Variants in PTPN9 observed in about 807,000 individuals in gnomAD.
PTPN9 encodes tyrosine-protein phosphatase non-receptor type 9.
PTPN9 carries 26 observed loss-of-function variants against 69.8 expected under a neutral mutation model. The ratio of observed to expected loss-of-function variants is 0.37; its 90% CI spans 0.27 to 0.52. PTPN9 has a LOEUF of 0.52. Among genes scored for constraint, PTPN9 ranks in the 20% least tolerant of loss-of-function variants. The pLI, the probability that PTPN9 is intolerant of heterozygous loss-of-function variation, is 0.91. For synonymous variants in PTPN9, 274 were observed against 272.5 expected (o/e 1.01, Z -0.05); for missense variants, 549 against 740.3 (o/e 0.74, Z 3.00).
chr15:75,562,338 C>A (rs1027059436), intron 1 of PTPN9, among the ~76,000 whole-genome samples: 1 of 152,178 alleles, frequency 6.6e-6, no homozygotes, highest in Admixed American at 6.6e-5. Context: ...CACACCTCTA[C>A]AGGGAAACTT....
intron 3 of PTPN9, among the ~76,000 whole-genome samples, chr15:75,523,583 G>C (rs2074914440): frequency 6.6e-6 from 1 of 152,132 alleles, no homozygotes; most frequent in Non-Finnish European, 1.5e-5. Flanking sequence ...AGAGAACCAG[G>C]GAACAGGACC....
intron 1 of PTPN9, among the ~76,000 whole-genome samples, chr15:75,539,945 G>A (rs1167412297): frequency 1.3e-5 from 2 of 152,188 alleles, no homozygotes; most frequent in Non-Finnish European, 2.9e-5. Context: ...CTCCCAAAGT[G>A]CTGCGATTAT....
chr15:75,524,869 G>A (rs546873830), intron 2 of PTPN9, among the ~76,000 whole-genome samples: 2 of 149,052 alleles, frequency 1.3e-5, no homozygotes, highest in African/African-American at 2.5e-5. Flanking sequence ...CTGCCTCCAA[G>A]CCAGTCAAGC....
chr15:75,543,117 G>C (rs891386204), intron 1 of PTPN9, among the ~76,000 whole-genome samples: 2 of 149,154 alleles, frequency 1.3e-5, no homozygotes, highest in African/African-American at 5.0e-5. Context: ...TTTTGTCCTT[G>C]CAATACTTTG....
chr15:75,563,734 C>G (rs1001571384), intron 1 of PTPN9, among the ~76,000 whole-genome samples: 1 of 152,146 alleles, frequency 6.6e-6, no homozygotes, highest in African/African-American at 2.4e-5. Flanking sequence ...GTCCTCATTG[C>G]ACGTAACAAG....
chr15:75,504,162 T>C (rs2074797725), intron 7 of PTPN9, among the ~76,000 whole-genome samples: 3 of 101,894 alleles, frequency 2.9e-5, no homozygotes, highest in African/African-American at 1.2e-4. Context: ...AGCCGCCCCG[T>C]CCGGGAGGGA....
intron 5 of PTPN9, among the ~76,000 whole-genome samples, chr15:75,515,426 CAAAAAAAAAAA>C (rs34643551): frequency 4.3e-5 from 3 of 69,420 alleles, no homozygotes; most frequent in Non-Finnish European, 8.7e-5. Context: ...GACTCCGTCT[CAAAAAAAAAAA>C]AAAAAAAAAG....
intron 5 of PTPN9, among the ~76,000 whole-genome samples, chr15:75,514,195 TCAGGA>T (rs2074857935): frequency 6.6e-6 from 1 of 150,882 alleles, no homozygotes. Context: ...TTTGGATTTC[TCAGGA>T]ATGATTTCTT....
chr15:75,476,657 A>G (rs976461256), intron 9 of PTPN9, among the ~76,000 whole-genome samples: 7 of 152,164 alleles, frequency 4.6e-5, no homozygotes, highest in African/African-American at 1.7e-4. Context: ...GTATGCATAG[A>G]TAAAGGTCTA....
chr15:75,529,953 T>C (rs2074947258), intron 1 of PTPN9, among the ~76,000 whole-genome samples: 1 of 146,022 alleles, frequency 6.8e-6, no homozygotes, highest in Admixed American at 7.0e-5. Flanking sequence ...ATGCCTGTAA[T>C]CCCAGCACTT....
intron 9 of PTPN9, among the ~76,000 whole-genome samples, chr15:75,475,668 GC>G (rs1302288775): frequency 1.3e-5 from 2 of 152,030 alleles, no homozygotes; most frequent in Non-Finnish European, 2.9e-5. Flanking sequence ...GGAAAGCAGG[GC>G]AGTACTAATG....
At chr15:75,543,587 A>G (rs1240389345) in intron 1 of PTPN9, among the ~76,000 whole-genome samples, 2 of 152,172 alleles carry the variant, frequency 1.3e-5, no homozygotes, top group African/African-American at 4.8e-5. Context: ...GCACAAAATT[A>G]CTCTGGAAGA....
chr15:75,498,545 A>C (rs2074756270), intron 7 of PTPN9, among the ~76,000 whole-genome samples: 1 of 151,800 alleles, frequency 6.6e-6, no homozygotes, highest in Admixed American at 6.6e-5. Context: ...TGAAACCCTG[A>C]CTGTAGTAAA....
chr15:75,554,008 T>TC (rs1213709742), intron 1 of PTPN9, among the ~76,000 whole-genome samples: 1 of 69,756 alleles, frequency 1.4e-5, no homozygotes, highest in Admixed American at 1.2e-4. Context: ...TTTCTTTCTT[T>TC]TTTTTTTTTT....
At position 75,520,345 on chromosome 15, in the gene PTPN9, GATCC is replaced by G. The variant is rs1380007327; in HGVS notation, c.422+2772_422+2775del. Among the ~76,000 whole-genome samples, 10 of 152,068 alleles carry G rather than the reference GATCC, an allele frequency of 6.6e-5. No individual in the cohort carries two copies. The East Asian group carries it at 1.9e-3, about 29-fold the overall frequency. ...AAAGAAGCTTGGATGCATAATGAAT[GATCC>G]AGGTTCTATATTCCCAGATCAAAGT... On this transcript the variant is annotated intron_variant, in intron 4 of 12. Transcript: ENST00000618819.
intron 8 of PTPN9, among the ~76,000 whole-genome samples, chr15:75,484,707 A>C (rs1354049475): frequency 6.6e-6 from 1 of 152,210 alleles, no homozygotes; most frequent in Admixed American, 6.5e-5. Flanking sequence ...TTACAGAAGG[A>C]CAAAAGAAAA....
intron 4 of PTPN9, among the ~76,000 whole-genome samples, chr15:75,521,381 G>A (rs1434212299): frequency 6.6e-6 from 1 of 151,814 alleles, no homozygotes; most frequent in Admixed American, 6.6e-5. Flanking sequence ...GAACCCGGGA[G>A]TCGGAGCTTG....
chr15:75,488,690 A>T (rs552712515), intron 8 of PTPN9, among the ~76,000 whole-genome samples: 21 of 152,258 alleles, frequency 1.4e-4, no homozygotes, highest in South Asian at 2.1e-4. Context: ...GCTACTTGGG[A>T]GGCAGAGGTG....
chr15:75,517,274 G>A lies in PTPN9; in HGVS notation c.513C>T (p.Val171=), dbSNP rs768812412. Residue 171 remains valine, a synonymous_variant, in exon 5 of 13, where the codon GTC becomes GTT. Transcript: ENST00000618819. ...ATAGCCTTACCTTCAGCAGGTTTAG[G>A]ACTTTCTTGCCAAGATCCAGCTCAA... ...ANFELDLGKK[V]LNLLKGAFPA... The A allele has an allele frequency of 1.2e-5, 19 of 1,613,100 alleles. No individual in the cohort carries two copies. In the Admixed American group the frequency reaches 3.0e-4, roughly 25 times the overall value.
Sources: allele counts gnomAD v4.1 joint callset (sites outside exome capture counted in the v4.1 genomes callset), GRCh38; gene constraint gnomAD v4.1.1; transcripts MANE v1.5; gene names NCBI Gene and HGNC (gene_info 2026-07-23, HGNC 2026-07-21).